The following MAST4 variants were observed in gnomAD, a reference collection of about 807,000 sequenced individuals.
The protein encoded by MAST4 is microtubule-associated serine/threonine-protein kinase 4.
Under a neutral mutation model 162.7 loss-of-function variants are expected in MAST4, and 89 were observed. The observed-to-expected ratio is 0.55, with a 90% CI of 0.46 to 0.65. The LOEUF (loss-of-function observed/expected upper bound fraction) is 0.65. Among genes scored for constraint, MAST4 ranks in the 30% least tolerant of loss-of-function variants. MAST4 has a pLI of 0.00. For missense variants in MAST4, 3,153 were observed against 3,374.0 expected (o/e 0.93, Z 1.62); for synonymous variants, 1,479 against 1,361.1 (o/e 1.09, Z -1.91).
chr5:66,940,444 C>T (rs1437484772), intron 4 of MAST4, among the ~76,000 whole-genome samples: 1 of 152,148 alleles, frequency 6.6e-6, no homozygotes, highest in Non-Finnish European at 1.5e-5. Flanking sequence ...ATTGCTTTAT[C>T]AACTAAGTTT....
chr5:67,164,390 G>A lies in MAST4; in HGVS notation c.5211G>A (p.Glu1737=). The A allele has an allele frequency of 5.0e-6, 8 of 1,614,036 alleles. No individual in the cohort carries two copies. Among genetic ancestry groups the A allele is most frequent in the Non-Finnish European group, 5.9e-6 (7 of 1,179,902 alleles). The stretch of plus-strand genomic sequence containing the variant: ...AGCAGGAGCCCCCGCCGGCTTCTGA[G>A]AGCCGAGCTTTTGTCAGCAGCACCC... The part of the protein sequence containing the change: ...GGQQEPPPAS[E]SRAFVSSTHA... The change falls in exon 29 of 29, where the codon GAG becomes GAA. Residue 1737 remains glutamate (E), a synonymous_variant. Transcript: ENST00000403625. This position sits in a 1 kb window ranked among gnomAD's most constrained non-coding sequence, Gnocchi z 5.3.
intron 1 of MAST4, among the ~76,000 whole-genome samples, chr5:66,681,929 G>T (rs1446253496): frequency 6.6e-6 from 1 of 152,190 alleles, no homozygotes; most frequent in African/African-American, 2.4e-5. Context: ...TATTTGGGGG[G>T]TGGGTGACCA....
intron 1 of MAST4, among the ~76,000 whole-genome samples, chr5:66,703,832 T>C (rs1749942670): frequency 6.6e-6 from 1 of 152,200 alleles, no homozygotes; most frequent in South Asian, 2.1e-4. Context: ...TTTGATCTCT[T>C]TAGGCAATCA....
At chr5:66,889,814 A>G (rs1183755052) in intron 3 of MAST4, among the ~76,000 whole-genome samples, 2 of 152,206 alleles carry the variant, frequency 1.3e-5, no homozygotes, top group Non-Finnish European at 2.9e-5. Flanking sequence ...ACACCCCATA[A>G]GATAAGCTGT....
chr5:66,701,617 T>G lies in MAST4; in HGVS notation c.364-58092T>G, dbSNP rs144498799. 3.9e-3 allele frequency among the ~76,000 whole-genome samples: 590 copies of G among 152,356 alleles called. 3 individuals are homozygous for G. Among genetic ancestry groups the G allele is most frequent in the Non-Finnish European group, 5.6e-3 (380 of 68,030 alleles). The stretch of plus-strand genomic sequence containing the variant: ...TTAGTGAAGTCTTCATTTCAAAGAT[T>G]ACTTTTTCTGTTTTCTGAACTTGGT... On this transcript the variant is annotated intron_variant, in intron 1 of 28. Coordinates refer to ENST00000403625, the MANE Select transcript of MAST4 (RefSeq NM_001164664.2).
intron 3 of MAST4, among the ~76,000 whole-genome samples, chr5:66,871,136 G>A (rs1243617156): frequency 2.0e-5 from 3 of 152,098 alleles, no homozygotes; most frequent in Non-Finnish European, 4.4e-5. Context: ...TCCGGTACCA[G>A]TGTGACATCC....
In MAST4 at chr5:67,130,508, G is replaced by A. The variant is rs1003498907; in HGVS notation, c.1954+90G>A. The A allele has an allele frequency of 2.3e-6, 3 of 1,309,388 alleles. No homozygotes were observed. In the African/African-American group the frequency reaches 4.4e-5, roughly 19 times the overall value. 81.1% of individuals were successfully genotyped at this position (1,309,388 alleles called of 1,614,324 possible). A position where few individuals can be genotyped will look rare whatever the true frequency, so the allele number is the denominator to read the frequency against. On this transcript the variant is annotated intron_variant, in intron 15 of 28. Coordinates refer to ENST00000403625, the MANE Select transcript of MAST4 (RefSeq NM_001164664.2). ...CTGTCTGTATTTGTGCCACATAATGGCTGTATCCACCTAGGAACTGAAGCC... is the reference window on the plus strand; with the variant it reads ...CTGTCTGTATTTGTGCCACATAATGACTGTATCCACCTAGGAACTGAAGCC...
chr5:66,698,964 AAT>A (rs758312230), intron 1 of MAST4, among the ~76,000 whole-genome samples: 8 of 152,286 alleles, frequency 5.3e-5, no homozygotes, highest in Admixed American at 3.3e-4. Context: ...CCTATAGTCC[AAT>A]CTCTGTTTGT....
chr5:66,899,903 TA>T, intron 3 of MAST4, 47 bp from the exon 4 acceptor site: 2 of 1,436,770 alleles, frequency 1.4e-6, no homozygotes, highest in Non-Finnish European at 1.9e-6. Context: ...CCTAGTAATC[TA>T]AGGTTAATGC....
intron 3 of MAST4, among the ~76,000 whole-genome samples, chr5:66,898,907 G>A (rs1762843778): frequency 6.6e-6 from 1 of 152,160 alleles, no homozygotes; most frequent in South Asian, 2.1e-4. Context: ...AAAAGTGATA[G>A]CTGAGCCTGC....
chr5:66,986,127 C>G (rs933938275), intron 4 of MAST4, among the ~76,000 whole-genome samples: 5 of 152,070 alleles, frequency 3.3e-5, no homozygotes, highest in African/African-American at 1.2e-4. Context: ...TTCCATTTCA[C>G]CAGGATGTAG....
At chr5:66,959,913 C>G (rs1032544683) in intron 4 of MAST4, among the ~76,000 whole-genome samples, 2 of 151,978 alleles carry the variant, frequency 1.3e-5, no homozygotes, top group African/African-American at 4.8e-5. Context: ...TGTGATGTAG[C>G]TACATGAACA....
At chr5:67,049,008 CATAT>C (rs1309526315) in intron 4 of MAST4, among the ~76,000 whole-genome samples, 12 of 104,524 alleles carry the variant, frequency 1.1e-4, no homozygotes, top group African/African-American at 4.9e-4. Context: ...TATACACACA[CATAT>C]ATATATATAC....
intron 2 of MAST4, among the ~76,000 whole-genome samples, chr5:66,777,853 C>G: frequency 6.6e-6 from 1 of 152,164 alleles, no homozygotes; most frequent in East Asian, 1.9e-4. Flanking sequence ...AGTTTAACAG[C>G]TGTTCCACAT....
chr5:66,937,338 A>T (rs1742856350), intron 4 of MAST4, among the ~76,000 whole-genome samples: 1 of 152,180 alleles, frequency 6.6e-6, no homozygotes, highest in Non-Finnish European at 1.5e-5. Context: ...TGCTTCATTT[A>T]TTGCACTATC....
At chr5:66,856,648 T>C (rs115730186) in intron 3 of MAST4, among the ~76,000 whole-genome samples, 1,612 of 152,356 alleles carry the variant, frequency 0.011, 29 homozygotes, top group African/African-American at 0.036. Flanking sequence ...TACTGACTGA[T>C]TGCCTTCCTG....
intron 7 of MAST4, among the ~76,000 whole-genome samples, chr5:67,096,325 T>G (rs1764467259): frequency 6.6e-6 from 1 of 152,178 alleles, no homozygotes; most frequent in African/African-American, 2.4e-5. Flanking sequence ...AGATGTATGT[T>G]TTTTTAGTTT....
At chr5:67,130,920 A>G (rs1004673874) in intron 15 of MAST4, among the ~76,000 whole-genome samples, 1 of 152,136 alleles carries the variant, frequency 6.6e-6, no homozygotes, top group African/African-American at 2.4e-5. Context: ...CAATGCTCCA[A>G]GTAATCTTAT....
intron 3 of MAST4, among the ~76,000 whole-genome samples, chr5:66,816,789 A>T (rs1756749692): frequency 6.6e-6 from 1 of 152,048 alleles, no homozygotes. Flanking sequence ...CTTCCATTAG[A>T]CTTGGGATTT....
Sources: gnomAD v4.1 joint callset for allele counts (sites outside exome capture counted in the v4.1 genomes callset) on GRCh38, gnomAD v4.1.1 for gene constraint, Gnocchi (gnomAD v3.1) non-coding constraint, MANE v1.5 for transcripts, NCBI Gene and HGNC (gene_info 2026-07-23, HGNC 2026-07-21) for gene names.